COG5: variants seen among roughly 807,000 people sequenced by gnomAD.
COG5 encodes the protein component of oligomeric golgi complex 5.
A neutral mutation model predicts 110.4 loss-of-function variants in COG5; 86 were observed. That is an observed-to-expected ratio of 0.78 (90% confidence interval 0.65 to 0.93). The LOEUF is 0.93. Ranked by LOEUF, COG5 falls within the 40% of genes least tolerant of loss-of-function variation. The pLI is 0.00. For synonymous variants in COG5, 360 were observed against 334.6 expected, an observed-to-expected ratio of 1.08 and a Z score of -0.83; for missense variants, 1,077 against 987.0, an observed-to-expected ratio of 1.09 and a Z score of -1.22.
intron 6 of COG5, among the ~76,000 whole-genome samples, chr7:107,517,098 T>C (rs1266087412): frequency 1.3e-5 from 2 of 152,132 alleles, no homozygotes; most frequent in African/African-American, 4.8e-5. Flanking sequence ...GCAAAGAAGC[T>C]AAGAACCTTG....
chr7:107,326,204 C>G (rs983281858), intron 10 of COG5, among the ~76,000 whole-genome samples: 5 of 152,114 alleles, frequency 3.3e-5, no homozygotes, highest in African/African-American at 7.2e-5. Flanking sequence ...ACATCCTACT[C>G]CATGGTGCGA....
At chr7:107,418,897 C>A (rs967267691) in intron 6 of COG5, among the ~76,000 whole-genome samples, 2 of 152,058 alleles carry the variant, frequency 1.3e-5, no homozygotes, top group African/African-American at 4.8e-5. Flanking sequence ...GCCTCAGCCT[C>A]CCAAGTAGCT....
At chr7:107,221,541 G>T (rs571124848) in intron 19 of COG5, among the ~76,000 whole-genome samples, 1 of 152,056 alleles carries the variant, frequency 6.6e-6, no homozygotes, top group Non-Finnish European at 1.5e-5. Context: ...GAGGCAGGCA[G>T]ATCATGAGGT....
At position 107,546,511 on chromosome 7, in the gene COG5, C is replaced by T. The variant is rs145834020; in HGVS notation, c.417+1600G>A. ...AGTACAATGGTGCAATCTTGGCTCGCTGCAACTTCCACCTCCCAGGCTCAA... is the reference window on the plus strand; with the variant it reads ...AGTACAATGGTGCAATCTTGGCTCGTTGCAACTTCCACCTCCCAGGCTCAA... On this transcript the variant is annotated intron_variant, in intron 5 of 21. Transcript: ENST00000297135. 1.1e-3 allele frequency among the ~76,000 whole-genome samples: 155 copies of T among 146,632 alleles called. 1 individual carries two copies. Among genetic ancestry groups the T allele is most frequent in the African/African-American group, 3.6e-3 (147 of 40,348 alleles).
intron 3 of COG5, among the ~76,000 whole-genome samples, chr7:107,548,937 T>C (rs1035685814): frequency 1.3e-5 from 2 of 152,218 alleles, no homozygotes; most frequent in Admixed American, 6.5e-5. Context: ...TGCCATTCTT[T>C]AAAATTCAGT....
chr7:107,410,699 C>A (rs1019163388), intron 7 of COG5, among the ~76,000 whole-genome samples: 1 of 152,068 alleles, frequency 6.6e-6, no homozygotes, highest in Admixed American at 6.6e-5. Flanking sequence ...GCCTTGGCCT[C>A]CCAAAGTGCT....
At chr7:107,422,030 A>C (rs1793329896) in intron 6 of COG5, among the ~76,000 whole-genome samples, 1 of 152,176 alleles carries the variant, frequency 6.6e-6, no homozygotes, top group Non-Finnish European at 1.5e-5. Context: ...CAAATCAATA[A>C]TACAAACTCC....
At chr7:107,399,214 AAAAT>A (rs200038003) in intron 7 of COG5, among the ~76,000 whole-genome samples, 1,776 of 152,166 alleles carry the variant, frequency 0.012, 38 homozygotes, top group African/African-American at 0.041. Flanking sequence ...AAAAAAAGTT[AAAAT>A]AAATAAATAA....
intron 10 of COG5, among the ~76,000 whole-genome samples, chr7:107,331,363 G>A (rs2129030954): frequency 6.6e-6 from 1 of 152,164 alleles, no homozygotes; most frequent in South Asian, 2.1e-4. Flanking sequence ...AGCTACTCAG[G>A]AGGCTGAGGC....
At chr7:107,235,549 A>G (rs1801121771) in intron 18 of COG5, among the ~76,000 whole-genome samples, 1 of 152,194 alleles carries the variant, frequency 6.6e-6, no homozygotes, top group Non-Finnish European at 1.5e-5. Flanking sequence ...CTAAAAATAC[A>G]AAAATTATCC....
At chr7:107,318,194 A>AT (rs1554412692) in intron 11 of COG5, among the ~76,000 whole-genome samples, 2 of 152,072 alleles carry the variant, frequency 1.3e-5, no homozygotes, top group East Asian at 1.9e-4. Context: ...CACCCAGCTA[A>AT]TTTTTTGTAT....
intron 8 of COG5, among the ~76,000 whole-genome samples, chr7:107,369,384 C>CTTTT (rs567770114): frequency 8.7e-5 from 9 of 103,134 alleles, no homozygotes; most frequent in African/African-American, 1.3e-4. Flanking sequence ...AACAAAAATT[C>CTTTT]TTTTTTTTTT....
chr7:107,318,408 G>T (rs1449922996), intron 11 of COG5, among the ~76,000 whole-genome samples: 2 of 152,156 alleles, frequency 1.3e-5, no homozygotes. Flanking sequence ...CTCATTTAAA[G>T]AAAGAAAATA....
intron 6 of COG5, among the ~76,000 whole-genome samples, chr7:107,523,047 G>GC (rs199874665): frequency 6.6e-6 from 1 of 152,058 alleles, no homozygotes; most frequent in Non-Finnish European, 1.5e-5. Context: ...ATTTCTAAAA[G>GC]CCCCCCTGGA....
chr7:107,515,160 T>C (rs1490067764), intron 6 of COG5, among the ~76,000 whole-genome samples: 1 of 152,204 alleles, frequency 6.6e-6, no homozygotes, highest in Admixed American at 6.5e-5. Flanking sequence ...TATGGTCTGG[T>C]TACTTTATGG....
At position 107,372,583 on chromosome 7, in the gene COG5, C is replaced by T. The variant is rs750545700; in HGVS notation, c.835+12G>A. ...AATAAATAAAGAAGCTAAATATAAA[C>T]CACATCCATACCTCTCACAGCTGAC... On this transcript the variant is annotated intron_variant, in intron 8 of 21. Coordinates refer to ENST00000297135, the MANE Select transcript of COG5 (RefSeq NM_006348.5). 1.2e-6 allele frequency: 2 copies of T among 1,612,552 alleles called. No homozygotes were observed. Among genetic ancestry groups the T allele is most frequent in the Non-Finnish European group, 1.7e-6 (2 of 1,179,154 alleles).
chr7:107,245,950 C>T (rs1279946242), intron 17 of COG5, among the ~76,000 whole-genome samples: 1 of 152,174 alleles, frequency 6.6e-6, no homozygotes, highest in Non-Finnish European at 1.5e-5. Flanking sequence ...CATCACGTTA[C>T]CTGACTTCAA....
At chr7:107,494,383 T>C (rs1015410) in intron 6 of COG5, among the ~76,000 whole-genome samples, 65,761 of 151,984 alleles carry the variant, frequency 0.43, 14,784 homozygotes, top group Non-Finnish European at 0.5. Context: ...CATAATGATG[T>C]TTTAATTAGT....
At chr7:107,343,226 A>G (rs1200395808) in intron 10 of COG5, among the ~76,000 whole-genome samples, 2 of 152,154 alleles carry the variant, frequency 1.3e-5, no homozygotes, top group African/African-American at 4.8e-5. Context: ...AGAGGAGGCA[A>G]GGAGGGAGGG....
Sources: allele counts gnomAD v4.1 joint callset (sites outside exome capture counted in the v4.1 genomes callset), GRCh38; gene constraint gnomAD v4.1.1; transcripts MANE v1.5; gene names NCBI Gene and HGNC (gene_info 2026-07-23, HGNC 2026-07-21).